Variants in ULK4 observed in about 807,000 individuals in gnomAD.
ULK4 encodes the protein unc-51 like kinase 4.
Under a neutral mutation model 160.6 loss-of-function variants are expected in ULK4, and 133 were observed. That is an observed-to-expected ratio of 0.83 (90% CI 0.72 to 0.96). The LOEUF (loss-of-function observed/expected upper bound fraction) is 0.96, where lower values mean the gene tolerates loss of function less well. Among genes scored for constraint, ULK4 ranks in the 40% least tolerant of loss-of-function variants. The probability of loss-of-function intolerance (pLI) is 0.00; values close to 1 mark genes in which losing one functional copy is unlikely to be tolerated. For missense variants in ULK4, 1,580 were observed against 1,499.5 expected (o/e 1.05, Z -0.89); for synonymous variants, 534 against 539.8 (o/e 0.99, Z 0.15).
At chr3:41,369,814 C>T (rs2081326862) in intron 35 of ULK4, among the ~76,000 whole-genome samples, 1 of 149,368 alleles carries the variant, frequency 6.7e-6, no homozygotes, top group African/African-American at 2.5e-5. Flanking sequence ...AAAAAAATCT[C>T]ATTTTGGAAT....
intron 22 of ULK4, among the ~76,000 whole-genome samples, chr3:41,747,557 C>G (rs377616457): frequency 4.6e-5 from 7 of 152,174 alleles, no homozygotes; most frequent in Admixed American, 4.6e-4. Flanking sequence ...TCTGTTCCCC[C>G]CAAAATTCAT....
rs2038694492 is a variant in ULK4, at chr3:41,753,413, T to A, written c.2321+948A>T. Reference sequence around the variant, plus strand: ...ATTCTAGAACAAGTAAAACCCTGGATCTAGAAACAGACATTAAACCAAACT... The same window carrying A: ...ATTCTAGAACAAGTAAAACCCTGGAACTAGAAACAGACATTAAACCAAACT... On this transcript the variant is annotated intron_variant, in intron 22 of 36. Coordinates refer to ENST00000301831, the MANE Select transcript of ULK4 (RefSeq NM_017886.4). Among the ~76,000 whole-genome samples the A allele has an allele frequency of 3.9e-5, 6 of 152,098 alleles. No individual in the cohort carries two copies. In the South Asian group the frequency reaches 1.2e-3, roughly 31 times the overall value.
At chr3:41,698,468 T>G (rs1018114694) in intron 27 of ULK4, among the ~76,000 whole-genome samples, 4 of 152,200 alleles carry the variant, frequency 2.6e-5, no homozygotes, top group Admixed American at 2.0e-4. Context: ...GAGGCAATGC[T>G]CATTAGAGAA....
At chr3:41,619,827 G>A (rs2033155612) in intron 30 of ULK4, among the ~76,000 whole-genome samples, 1 of 152,118 alleles carries the variant, frequency 6.6e-6, no homozygotes, top group Admixed American at 6.6e-5. Flanking sequence ...AATTAATCCA[G>A]GAGCTGGTTT....
intron 2 of ULK4, among the ~76,000 whole-genome samples, chr3:41,953,524 A>G (rs911886924): frequency 2.0e-5 from 3 of 151,610 alleles, no homozygotes. Context: ...GCTGGTCTCG[A>G]ACCCAAAGTG....
At chr3:41,537,610 T>C (rs1165582539) in intron 32 of ULK4, among the ~76,000 whole-genome samples, 1 of 152,148 alleles carries the variant, frequency 6.6e-6, no homozygotes, top group Non-Finnish European at 1.5e-5. Flanking sequence ...CCACAACCAT[T>C]GTCCAATATC....
intron 32 of ULK4, among the ~76,000 whole-genome samples, chr3:41,530,538 A>T (rs1575365172): frequency 6.6e-6 from 1 of 152,100 alleles, no homozygotes; most frequent in East Asian, 1.9e-4. Flanking sequence ...CATTGGAGCT[A>T]CCCCCGCCTA....
In ULK4 at chr3:41,809,103, T is replaced by C. The variant is rs187901385; in HGVS notation, c.1849-8810A>G. Among the ~76,000 whole-genome samples, 239 of 151,024 alleles carry C rather than the reference T, an allele frequency of 1.6e-3. 1 individual carries two copies. Among genetic ancestry groups the C allele is most frequent in the African/African-American group, 5.7e-3 (235 of 41,138 alleles). ...ATAGCTTGAACCCAGGAGGCTGAGG[T>C]TGCAGTGAGCCGTGATCACCCCACT... On this transcript the variant is annotated intron_variant, in intron 19 of 36. Transcript: ENST00000301831.
At chr3:41,579,300 G>A (rs2030032143) in intron 31 of ULK4, among the ~76,000 whole-genome samples, 1 of 151,998 alleles carries the variant, frequency 6.6e-6, no homozygotes, top group African/African-American at 2.4e-5. Flanking sequence ...AAGAATGAAG[G>A]GACAGAGGAA....
chr3:41,637,087 A>C (rs975021488), intron 30 of ULK4, among the ~76,000 whole-genome samples: 1 of 152,076 alleles, frequency 6.6e-6, no homozygotes, highest in African/African-American at 2.4e-5. Context: ...CTTAAAATCT[A>C]CTCTCACCAA....
At chr3:41,734,553 A>C (rs2037961023) in intron 22 of ULK4, among the ~76,000 whole-genome samples, 1 of 152,176 alleles carries the variant, frequency 6.6e-6, no homozygotes, top group Non-Finnish European at 1.5e-5. Flanking sequence ...ATTAGATGAA[A>C]TCACCTAAGG....
At position 41,354,916 on chromosome 3, in the gene ULK4, A is replaced by C. The variant is rs192026899; in HGVS notation, c.3678+43163T>G. Among the ~76,000 whole-genome samples the C allele has an allele frequency of 3.0e-4, 46 of 152,274 alleles. 1 individual carries two copies. The highest frequency in any genetic ancestry group is 8.9e-4 in the African/African-American group (37 of 41,560). On this transcript the variant is annotated intron_variant, in intron 35 of 36. Transcript: ENST00000301831. The stretch of plus-strand genomic sequence containing the variant: ...TTGCTGACCTCACCTCTATCTGTGG[A>C]TGCTCCTCCCTCTAGTGATGGCTAT...
chr3:41,453,889 A>C (rs1022872591), intron 34 of ULK4, among the ~76,000 whole-genome samples: 3 of 151,926 alleles, frequency 2.0e-5, no homozygotes, highest in Non-Finnish European at 2.9e-5. Context: ...GACATGGATG[A>C]AGCTGGAAAC....
chr3:41,305,645 G>C, intron 35 of ULK4, among the ~76,000 whole-genome samples: 1 of 152,110 alleles, frequency 6.6e-6, no homozygotes, highest in African/African-American at 2.4e-5. Context: ...CTGCCACCCC[G>C]TCTGGGAAGT....
rs71075470 is a variant in ULK4, at chr3:41,506,767, A to AATATATATATAT, written c.3227-43526_3227-43515dup. 6.9e-3 allele frequency among the ~76,000 whole-genome samples: 392 copies of AATATATATATAT among 56,696 alleles called. 12 individuals carry two copies. Among genetic ancestry groups the AATATATATATAT allele is most frequent in the African/African-American group, 0.02 (239 of 12,200 alleles). The allele number at this position is 56,696 out of a possible 152,430, so 37.2% of individuals were successfully genotyped here. A position where few individuals can be genotyped will look rare whatever the true frequency, so the allele number is the denominator to read the frequency against. ...AGCAATACACTGGAGTGTGATTTAA[A>AATATATATATAT]ATATATATATATATATATATATATA... On this transcript the variant is annotated intron_variant, in intron 32 of 36. Transcript: ENST00000301831.
At chr3:41,560,482 T>G (rs968384755) in intron 32 of ULK4, among the ~76,000 whole-genome samples, 3 of 152,240 alleles carry the variant, frequency 2.0e-5, no homozygotes, top group African/African-American at 7.2e-5. Flanking sequence ...ATATTGATTC[T>G]TCCTATCCAT....
intron 32 of ULK4, among the ~76,000 whole-genome samples, chr3:41,494,801 G>A (rs1295563432): frequency 3.3e-5 from 5 of 152,046 alleles, no homozygotes; most frequent in Non-Finnish European, 7.4e-5. Context: ...CAAACAGAGA[G>A]CCAAATCAGG....
At chr3:41,794,837 A>T (rs570828862) in intron 20 of ULK4, among the ~76,000 whole-genome samples, 1 of 152,132 alleles carries the variant, frequency 6.6e-6, no homozygotes, top group East Asian at 1.9e-4. Context: ...CATGTAAAAA[A>T]CCAGCAGAGA....
chr3:41,420,552 G>A (rs866600410), intron 34 of ULK4, among the ~76,000 whole-genome samples: 3 of 133,666 alleles, frequency 2.2e-5, no homozygotes, highest in Admixed American at 1.6e-4. Flanking sequence ...GTGCAATCTC[G>A]GCTAATTGCA....
Sources: allele counts gnomAD v4.1 joint callset (sites outside exome capture counted in the v4.1 genomes callset), GRCh38; gene constraint gnomAD v4.1.1; transcripts MANE v1.5; gene names NCBI Gene and HGNC (gene_info 2026-07-23, HGNC 2026-07-21).